The following TAF7L variants were observed in gnomAD, a reference collection of about 807,000 sequenced individuals.
TAF7L encodes the protein TATA-box binding protein associated factor 7 like, also known as transcription initiation factor TFIID subunit 7-like.
TAF7L carries 6 observed loss-of-function variants against 30.2 expected under a neutral mutation model. That is an observed-to-expected ratio of 0.20 (90% CI 0.11 to 0.39). The LOEUF (loss-of-function observed/expected upper bound fraction) is 0.39, where lower values mean the gene tolerates loss of function less well. TAF7L is among the 10% of genes least tolerant of loss of function. TAF7L has a pLI of 1.00. For missense variants in TAF7L, 284 were observed against 277.1 expected (o/e 1.03, Z -0.18); for synonymous variants, 93 against 94.5 (o/e 0.98, Z 0.09).
At chrX:101,282,695 T>G (rs776588919) in intron 4 of TAF7L, among the ~76,000 whole-genome samples, 19 of 110,987 alleles carry the variant, frequency 1.7e-4, no homozygotes, top group East Asian at 5.6e-4. Context: ...GTTTTGTTTT[T>G]TTTTTTCCAC....
At chrX:101,291,345 C>A (rs1004531242), upstream of TAF7L, 179 of 738,659 alleles carry the variant, frequency 2.4e-4, no homozygotes, top group Non-Finnish European at 2.8e-4. Flanking sequence ...GCTGGGCTGC[C>A]GGCGCCTGGA....
chrX:101,289,559 T>A (rs1924727405), intron 1 of TAF7L, among the ~76,000 whole-genome samples: 1 of 111,704 alleles, frequency 9.0e-6, no homozygotes, highest in Admixed American at 9.5e-5. Flanking sequence ...CCCTGCATTT[T>A]GGGTATTAGG....
At chrX:101,277,451 C>CAAAAAAAAAAAAA (rs368056727) in intron 9 of TAF7L, among the ~76,000 whole-genome samples, 155 bp downstream of exon 9, 4 of 40,417 alleles carry the variant, frequency 9.9e-5, no homozygotes, top group African/African-American at 4.0e-4. Flanking sequence ...GACTCCATCT[C>CAAAAAAAAAAAAA]AAAAAAAAAA....
Position 101,277,934 on chromosome X carries a change from A to C in TAF7L, c.577+115T>G, listed in dbSNP as rs369998678. 30 of 662,997 alleles carry C rather than the reference A, an allele frequency of 4.5e-5. 3 individuals carry two copies. Among genetic ancestry groups the C allele is most frequent in the African/African-American group, 1.9e-4 (9 of 46,280 alleles). The allele number at this position is 662,997 out of a possible 1,213,427, so 54.6% of individuals were successfully genotyped here. On this transcript the variant is annotated intron_variant, in intron 8 of 12. Coordinates refer to ENST00000356784, the MANE Select transcript of TAF7L (RefSeq NM_001168474.2). The stretch of plus-strand genomic sequence containing the variant: ...ACTGTTCCTAGCTAGAACATTTCAA[A>C]GAATCTTAAGTTCCACACATCAAGA...
rs1203880967 is a variant in TAF7L at position 101,282,390 on chromosome X, C to G, written c.343G>C (p.Asp115His). The G allele has an allele frequency of 8.3e-7, 1 of 1,210,308 alleles. No individual in the cohort carries two copies. The highest frequency in any genetic ancestry group is 2.2e-5 in the Admixed American group (1 of 45,993). Residue 115 changes from aspartate to histidine, a missense_variant, in exon 5 of 13, where the codon GAT becomes CAT. Physicochemically the swap from Asp to His is moderately conservative, Grantham distance 81 (BLOSUM62 -1). Coordinates refer to ENST00000356784, the MANE Select transcript of TAF7L (RefSeq NM_001168474.2). ...TCTTTTTTCCTGACTATATTAGGATCAGTAGAGGCAGCTGGTTCTTCTGGA... is the reference window on the plus strand; with the variant it reads ...TCTTTTTTCCTGACTATATTAGGATGAGTAGAGGCAGCTGGTTCTTCTGGA... ...LSPEEPAAST[D>H]PNIVRKKERG...
rs752112227 is a variant in TAF7L at position 101,276,507 on chromosome X, A to G, written c.713T>C (p.Met238Thr). 50 of 1,208,740 alleles carry G rather than the reference A, an allele frequency of 4.1e-5. No individual in the cohort carries two copies. The Admixed American group carries it at 9.4e-4, about 23-fold the overall frequency. The change falls in exon 10 of 13, where the codon ATG (methionine) becomes ACG (threonine). Residue 238 changes from methionine (M) to threonine (T), a missense_variant. Met to Thr is a moderately conservative substitution (Grantham distance 81). Transcript: ENST00000356784. Reference protein sequence around the residue: ...TSSEYDMLREMFSDSRSNNDD... With the variant: ...TSSEYDMLRETFSDSRSNNDD... ...ATTGTTACTTCTAGAATCACTGAACATCTCCCGAAGCATATCATATTCTAC... is the reference window on the plus strand; with the variant it reads ...ATTGTTACTTCTAGAATCACTGAACGTCTCCCGAAGCATATCATATTCTAC...
chrX:101,273,399 C>T (rs1924041017), intron 12 of TAF7L, among the ~76,000 whole-genome samples: 1 of 111,195 alleles, frequency 9.0e-6, no homozygotes, highest in Non-Finnish European at 1.9e-5. Context: ...ACCATCCTCG[C>T]TAACACGGTG....
intron 12 of TAF7L, among the ~76,000 whole-genome samples, chrX:101,274,945 T>TA (rs1332735461): frequency 8.9e-6 from 1 of 112,146 alleles, no homozygotes; most frequent in Non-Finnish European, 1.9e-5. Context: ...TGCTTAAAGT[T>TA]ACAGTTTCCA....
chrX:101,281,767 G>A lies in TAF7L; in HGVS notation c.415C>T (p.Pro139Ser), dbSNP rs1297579709. The change falls in exon 6 of 13, where the codon CCA becomes TCA. Residue 139 changes from proline to serine, a missense_variant. Coordinates refer to ENST00000356784, the MANE Select transcript of TAF7L (RefSeq NM_001168474.2). Reference sequence around the variant, plus strand: ...CTTTTCTTTCTGACATTCTTAAGTGGTGGCGTAACTAAAATAAATACAACA... The same window carrying A: ...CTTTTCTTTCTGACATTCTTAAGTGATGGCGTAACTAAAATAAATACAACA... ...KCVWKHGITP[P>S]LKNVRKKRFR... 4 of 1,206,398 alleles carry A rather than the reference G, an allele frequency of 3.3e-6. No individual in the cohort carries two copies. The highest frequency in any genetic ancestry group is 4.5e-6 in the Non-Finnish European group (4 of 893,081).
At chrX:101,273,946 T>G (rs1189162271) in intron 12 of TAF7L, among the ~76,000 whole-genome samples, 1 of 112,202 alleles carries the variant, frequency 8.9e-6, no homozygotes, top group Admixed American at 9.5e-5. Context: ...TTTATTCTAA[T>G]AGCACCACTG....
chrX:101,282,096 A>C (rs1924433779), intron 5 of TAF7L, among the ~76,000 whole-genome samples: 1 of 109,955 alleles, frequency 9.1e-6, no homozygotes. Flanking sequence ...ATGTTGGCCA[A>C]GCTGGTCTCG....
At chrX:101,277,293 T>C (rs1430511811) in intron 9 of TAF7L, among the ~76,000 whole-genome samples, 1 of 101,503 alleles carries the variant, frequency 9.9e-6, no homozygotes, top group African/African-American at 3.7e-5. Context: ...ACCCCGACGC[T>C]AGTAAAAAAT....
chrX:101,278,192 C>G, intron 7 of TAF7L, 71 bp from the exon 8 acceptor site: 1 of 841,641 alleles, frequency 1.2e-6, no homozygotes, highest in African/African-American at 2.0e-5. Context: ...TGCAGGAGTG[C>G]CCTCCTACGT....
chrX:101,271,660 A>G (rs1375301636), intron 12 of TAF7L, among the ~76,000 whole-genome samples: 1 of 111,822 alleles, frequency 8.9e-6, no homozygotes, highest in Non-Finnish European at 1.9e-5. Flanking sequence ...TGAAGACTAT[A>G]TAAACACTAT....
At chrX:101,291,120 G>T in intron 1 of TAF7L, 104 bp downstream of exon 1, 1 of 296,665 alleles carries the variant, frequency 3.4e-6, no homozygotes, top group African/African-American at 2.9e-5. Context: ...TTCGCGCCTC[G>T]CTGTGCAGGC....
Position 101,268,965 on chromosome X carries a change from AAG to A in TAF7L, c.*226_*227del. The A allele has an allele frequency of 3.3e-6, 1 of 303,657 alleles. No individual in the cohort carries two copies. Among genetic ancestry groups the A allele is most frequent in the Non-Finnish European group, 5.9e-6 (1 of 170,740 alleles). 25.0% of individuals were successfully genotyped at this position (303,657 alleles called of 1,213,427 possible). A position where few individuals can be genotyped will look rare whatever the true frequency, so the allele number is the denominator to read the frequency against. On this transcript the variant is annotated 3_prime_UTR_variant, in exon 13 of 13. Coordinates refer to ENST00000356784, the MANE Select transcript of TAF7L (RefSeq NM_001168474.2). Reference sequence around the variant, plus strand: ...AATAATAATAATTCCCAAATTGACAAAGAGAAAGTCTCATGGTCGAGTGGGGT... The same window carrying A: ...AATAATAATAATTCCCAAATTGACAAAGAAAGTCTCATGGTCGAGTGGGGT...
intron 1 of TAF7L, among the ~76,000 whole-genome samples, chrX:101,290,058 T>C (rs1032433829): frequency 1.8e-5 from 2 of 109,652 alleles, no homozygotes; most frequent in Non-Finnish European, 3.8e-5. Flanking sequence ...CTACTAAAGA[T>C]ACAAAAATTA....
intron 7 of TAF7L, among the ~76,000 whole-genome samples, chrX:101,278,596 G>A (rs183054189): frequency 2.1e-4 from 24 of 112,179 alleles, no homozygotes; most frequent in Non-Finnish European, 1.7e-4. Flanking sequence ...CTTGAATCCA[G>A]TTTTACATAA....
At chrX:101,269,831 G>A (rs1923911554) in intron 12 of TAF7L, among the ~76,000 whole-genome samples, 1 of 111,492 alleles carries the variant, frequency 9.0e-6, no homozygotes, top group Non-Finnish European at 1.9e-5. Flanking sequence ...AAATTGAATA[G>A]GCTTTAAAAA....
Sources: allele counts gnomAD v4.1 joint callset (sites outside exome capture counted in the v4.1 genomes callset), GRCh38; gene constraint gnomAD v4.1.1; transcripts MANE v1.5; gene names NCBI Gene and HGNC (gene_info 2026-07-23, HGNC 2026-07-21).